The following RBM47 variants were observed in gnomAD, a reference collection of about 807,000 sequenced individuals.
RBM47 encodes the protein RNA binding motif protein 47.
In RBM47, 21 loss-of-function variants were observed where a neutral mutation model predicts 47.1. The observed-to-expected ratio is 0.45, with a 90% CI of 0.32 to 0.64. RBM47 has a LOEUF of 0.64. Ranked by LOEUF, RBM47 falls within the 30% of genes least tolerant of loss-of-function variation. The pLI, the probability that RBM47 is intolerant of heterozygous loss-of-function variation, is 0.05. For missense variants in RBM47, 708 were observed against 870.9 expected (o/e 0.81, Z 2.35); for synonymous variants, 375 against 361.7 (o/e 1.04, Z -0.42).
intron 2 of RBM47, among the ~76,000 whole-genome samples, chr4:40,526,855 G>A (rs560565840): frequency 2.2e-4 from 31 of 138,946 alleles, no homozygotes; most frequent in African/African-American, 7.3e-4. Context: ...TAGCTAGAGG[G>A]CCACACATAA....
chr4:40,625,766 T>C (rs920983204), intron 1 of RBM47, among the ~76,000 whole-genome samples: 1 of 152,148 alleles, frequency 6.6e-6, no homozygotes, highest in Non-Finnish European at 1.5e-5. Flanking sequence ...ATATCGTGAT[T>C]TGGGGAGACT....
intron 1 of RBM47, among the ~76,000 whole-genome samples, chr4:40,622,834 ATCGTGCCACTGCAC>A (rs1737387995): frequency 6.6e-6 from 1 of 152,210 alleles, no homozygotes; most frequent in African/African-American, 2.4e-5. Flanking sequence ...GTGAGCTGAG[ATCGTGCCACTGCAC>A]TCCAGCCTGG....
intron 1 of RBM47, among the ~76,000 whole-genome samples, chr4:40,559,247 TAGA>T (rs1386245570): frequency 6.6e-6 from 1 of 152,034 alleles, no homozygotes; most frequent in Non-Finnish European, 1.5e-5. Flanking sequence ...TTCTGGCAAA[TAGA>T]AGGAGAGAGC....
At chr4:40,550,853 C>T (rs1391300923) in intron 1 of RBM47, among the ~76,000 whole-genome samples, 11 of 151,606 alleles carry the variant, frequency 7.3e-5, no homozygotes, top group Admixed American at 7.2e-4. Flanking sequence ...CGTCTTAAAA[C>T]TTTTAATTTC....
At chr4:40,463,027 G>C (rs911330809) in intron 3 of RBM47, among the ~76,000 whole-genome samples, 9 of 152,168 alleles carry the variant, frequency 5.9e-5, no homozygotes, top group Admixed American at 4.6e-4. Flanking sequence ...CAGTGTAGGA[G>C]AAAATATGTG....
In RBM47 at chr4:40,438,899, CA is replaced by C; in HGVS notation, c.-7del. On this transcript the variant is annotated 5_prime_UTR_variant, in exon 4 of 7. An upstream open reading frame in the 5' UTR gains an earlier in-frame stop. Transcript: ENST00000295971. ...GTGGAATCCTCTGCGGTCATAATGT[CA>C]AAGGCATCCACAGCTGGCGGAAACC... 6.5e-7 allele frequency: 1 copy of C among 1,532,234 alleles called. No individual in the cohort carries two copies. The highest frequency in any genetic ancestry group is 8.8e-7 in the Non-Finnish European group (1 of 1,142,508). 94.9% of individuals were successfully genotyped at this position (1,532,234 alleles called of 1,614,324 possible).
chr4:40,527,699 A>C (rs1024491582), intron 2 of RBM47, among the ~76,000 whole-genome samples: 4 of 136,360 alleles, frequency 2.9e-5, no homozygotes, highest in Admixed American at 8.3e-5. Flanking sequence ...GGACAAATGA[A>C]GTTTAAAATA....
intron 1 of RBM47, among the ~76,000 whole-genome samples, chr4:40,600,430 T>C (rs376859852): frequency 1.9e-4 from 29 of 149,738 alleles, no homozygotes; most frequent in African/African-American, 4.7e-4. Context: ...GTCAGGAGAT[T>C]GAGACCATGC....
chr4:40,559,906 G>C (rs1284408273), intron 1 of RBM47, among the ~76,000 whole-genome samples: 1 of 152,176 alleles, frequency 6.6e-6, no homozygotes, highest in Non-Finnish European at 1.5e-5. Context: ...TACATTACAA[G>C]CCATTTCTAG....
intron 1 of RBM47, among the ~76,000 whole-genome samples, chr4:40,595,323 A>G (rs1221113927): frequency 6.6e-6 from 1 of 151,516 alleles, no homozygotes; most frequent in African/African-American, 2.4e-5. Flanking sequence ...GGTGAAACCC[A>G]TCTCTACCAA....
At chr4:40,601,771 A>G (rs867134835) in intron 1 of RBM47, among the ~76,000 whole-genome samples, 2 of 152,198 alleles carry the variant, frequency 1.3e-5, no homozygotes, top group African/African-American at 2.4e-5. Flanking sequence ...TACGAGTCCA[A>G]CTGCCAACCC....
chr4:40,455,078 C>T (rs1455262667), intron 3 of RBM47, among the ~76,000 whole-genome samples: 1 of 152,180 alleles, frequency 6.6e-6, no homozygotes, highest in Admixed American at 6.5e-5. Flanking sequence ...CCATCCCCAT[C>T]GCTTCCCCTC....
chr4:40,435,522 C>T (rs748901319), intron 5 of RBM47, among the ~76,000 whole-genome samples: 1 of 151,820 alleles, frequency 6.6e-6, no homozygotes, highest in African/African-American at 2.4e-5. Context: ...CACTCCAGCC[C>T]GGGTGACACA....
At chr4:40,493,930 C>A (rs1427364837) in intron 2 of RBM47, among the ~76,000 whole-genome samples, 1 of 152,052 alleles carries the variant, frequency 6.6e-6, no homozygotes, top group Non-Finnish European at 1.5e-5. Flanking sequence ...CAGAGTGAGA[C>A]CCTGTCTCAA....
At chr4:40,497,944 T>C (rs974967438) in intron 2 of RBM47, among the ~76,000 whole-genome samples, 1 of 150,490 alleles carries the variant, frequency 6.6e-6, no homozygotes, top group Non-Finnish European at 1.5e-5. Flanking sequence ...GGGGCCATGA[T>C]CACACCACTG....
rs1463139027 is a variant in RBM47 at position 40,425,510 on chromosome 4, T to C, written c.*394A>G. ...GCTCCTCAAGTGTGCTTTTTTAATATATAGTTGATATATTATTGAAGGTAC... is the reference window on the plus strand; with the variant it reads ...GCTCCTCAAGTGTGCTTTTTTAATACATAGTTGATATATTATTGAAGGTAC... On this transcript the variant is annotated 3_prime_UTR_variant, in exon 7 of 7. Transcript: ENST00000295971. 3 of 159,868 alleles carry C rather than the reference T, an allele frequency of 1.9e-5. No individual in the cohort carries two copies. Among genetic ancestry groups the C allele is most frequent in the Non-Finnish European group, 4.2e-5 (3 of 72,106 alleles). 9.9% of individuals were successfully genotyped at this position (159,868 alleles called of 1,614,324 possible).
chr4:40,522,899 T>C (rs1471400998), intron 2 of RBM47, among the ~76,000 whole-genome samples: 1 of 151,934 alleles, frequency 6.6e-6, no homozygotes, highest in East Asian at 1.9e-4. Flanking sequence ...TAATTTCTAA[T>C]GCAGTAAATA....
chr4:40,549,973 A>G (rs1440974912), intron 1 of RBM47, among the ~76,000 whole-genome samples: 1 of 152,168 alleles, frequency 6.6e-6, no homozygotes, highest in Non-Finnish European at 1.5e-5. Flanking sequence ...CGCAGTAATA[A>G]ATGTTAAATA....
chr4:40,511,801 G>A (rs943127975), intron 2 of RBM47, among the ~76,000 whole-genome samples: 14 of 152,028 alleles, frequency 9.2e-5, no homozygotes, highest in Admixed American at 9.2e-4. Flanking sequence ...CGGGCGTGGT[G>A]GCAGGCGCCT....
Sources: allele counts gnomAD v4.1 joint callset (sites outside exome capture counted in the v4.1 genomes callset), GRCh38; gene constraint gnomAD v4.1.1; transcripts MANE v1.5; gene names NCBI Gene and HGNC (gene_info 2026-07-23, HGNC 2026-07-21).